Variants in RAB43 observed in about 807,000 individuals in gnomAD.
RAB43 encodes ras-related protein Rab-43.
In RAB43, 6 loss-of-function variants were observed where a neutral mutation model predicts 18.8. The ratio of observed to expected loss-of-function variants is 0.32; its 90% CI spans 0.17 to 0.63. The LOEUF (loss-of-function observed/expected upper bound fraction) is 0.63. RAB43 is among the 30% of genes least tolerant of loss of function. RAB43 has a pLI of 0.79. For missense variants in RAB43, 195 were observed against 289.1 expected, an observed-to-expected ratio of 0.67 and a Z score of 2.36; for synonymous variants, 103 against 124.1, an observed-to-expected ratio of 0.83 and a Z score of 1.13.
At chr3:129,117,997 G>C (rs751460322) in intron 1 of RAB43, among the ~76,000 whole-genome samples, 1 of 152,254 alleles carries the variant, frequency 6.6e-6, no homozygotes, top group Non-Finnish European at 1.5e-5. Flanking sequence ...TAAGTGTTAT[G>C]ACCAGATACA....
At chr3:129,118,713 TACC>T (rs2107585673) in intron 1 of RAB43, among the ~76,000 whole-genome samples, 1 of 152,320 alleles carries the variant, frequency 6.6e-6, no homozygotes, top group African/African-American at 2.4e-5. Flanking sequence ...TCTAAATAGA[TACC>T]ACGTCTCACT....
intron 1 of RAB43, among the ~76,000 whole-genome samples, chr3:129,109,144 C>T (rs1390418016): frequency 6.6e-6 from 1 of 151,924 alleles, no homozygotes; most frequent in African/African-American, 2.4e-5. Context: ...GGTGCGGTGG[C>T]TCACACCTGT....
In RAB43 at chr3:129,099,030, G is replaced by A. The variant is rs1041148203; in HGVS notation, c.205-3861C>T. Among the ~76,000 whole-genome samples the A allele has an allele frequency of 5.3e-5, 8 of 151,990 alleles. No homozygotes were observed. The East Asian group carries it at 9.7e-4, about 18-fold the overall frequency. ...AGAGGTTGCAGTGAGCCCAGATCAC[G>A]CTACTGCACTCCAGCCTGGACAACA... is the stretch of plus-strand genomic sequence containing the variant. On this transcript the variant is annotated intron_variant, in intron 1 of 2. Coordinates refer to ENST00000315150, the MANE Select transcript of RAB43 (RefSeq NM_198490.3).
At chr3:129,108,338 T>C (rs1263778481) in intron 1 of RAB43, among the ~76,000 whole-genome samples, 1 of 152,232 alleles carries the variant, frequency 6.6e-6, no homozygotes, top group Non-Finnish European at 1.5e-5. Context: ...GTTGCCACAA[T>C]GTGTGGAGGT....
chr3:129,098,216 A>G lies in RAB43; in HGVS notation c.205-3047T>C, dbSNP rs138735192. On this transcript the variant is annotated intron_variant, in intron 1 of 2. Coordinates refer to ENST00000315150, the MANE Select transcript of RAB43 (RefSeq NM_198490.3). The stretch of plus-strand genomic sequence containing the variant: ...GTATATGAGCTATCAGAACGTCACT[A>G]TGGGTGAGGACCATGCCTAAAGAAT... Among the ~76,000 whole-genome samples, 881 of 152,298 alleles carry G rather than the reference A, an allele frequency of 5.8e-3. 3 individuals carry two copies. Among genetic ancestry groups the G allele is most frequent in the African/African-American group, 0.015 (618 of 41,562 alleles).
intron 1 of RAB43, among the ~76,000 whole-genome samples, chr3:129,114,658 A>G (rs1935406521): frequency 6.6e-6 from 1 of 152,204 alleles, no homozygotes; most frequent in East Asian, 1.9e-4. Context: ...CGAGCACTAC[A>G]CAAAGGCCAG....
At chr3:129,115,226 G>A (rs778331986) in intron 1 of RAB43, among the ~76,000 whole-genome samples, 11 of 151,436 alleles carry the variant, frequency 7.3e-5, no homozygotes, top group Admixed American at 4.6e-4. Flanking sequence ...GGTGGCTCAT[G>A]CCTGTAATTC....
At position 129,121,321 on chromosome 3, in the gene RAB43, T is replaced by C. The variant is rs780664694; in HGVS notation, c.169A>G (p.Met57Val). 3.7e-6 allele frequency: 6 copies of C among 1,609,630 alleles called. No homozygotes were observed. The highest frequency in any genetic ancestry group is 3.3e-5 in the South Asian group (3 of 90,162). The change falls in exon 1 of 3, where the codon ATG becomes GTG. Residue 57 changes from methionine to valine, a missense_variant. By Grantham distance (21) the Met-to-Val change is conservative. Coordinates refer to ENST00000315150, the MANE Select transcript of RAB43 (RefSeq NM_198490.3). The stretch of plus-strand genomic sequence containing the variant: ...TTGCCCTGGATCTCCAGCGTCTTCA[T>C]GGTGAAGTCGACGCCGATGGTGCTT... ...QGSTIGVDFTMKTLEIQGKRV... is the reference protein window; with the variant it reads ...QGSTIGVDFTVKTLEIQGKRV...
At chr3:129,112,262 T>TAA (rs372301070) in intron 1 of RAB43, among the ~76,000 whole-genome samples, 3 of 137,904 alleles carry the variant, frequency 2.2e-5, no homozygotes, top group Non-Finnish European at 3.2e-5. Context: ...AGACCCTGTT[T>TAA]AAAAAAAAAA....
In RAB43 at chr3:129,092,567, C is replaced by T. The variant is rs1042282501; in HGVS notation, c.389-1221G>A. The stretch of plus-strand genomic sequence containing the variant: ...CTTGAGGCCAGGAGTTCAAGATCAG[C>T]CTGGGCAACATAGCAGGACTGCATC... On this transcript the variant is annotated intron_variant, in intron 2 of 2. Transcript: ENST00000315150. 4 of 691,728 alleles carry T rather than the reference C, an allele frequency of 5.8e-6. No individual in the cohort carries two copies. The African/African-American group carries it at 7.1e-5, about 12-fold the overall frequency. The allele number at this position is 691,728 out of a possible 1,614,324, so 42.8% of individuals were successfully genotyped here. A position where few individuals can be genotyped will look rare whatever the true frequency, so the allele number is the denominator to read the frequency against.
intron 2 of RAB43, among the ~76,000 whole-genome samples, chr3:129,093,270 T>G (rs1049018102): frequency 1.3e-5 from 2 of 152,018 alleles, no homozygotes; most frequent in African/African-American, 4.8e-5. Flanking sequence ...ATTACAGGTG[T>G]GAGCCACCAT....
chr3:129,115,589 G>GTGGGTGGATCACTTGAGGTC (rs1453068862), intron 1 of RAB43, among the ~76,000 whole-genome samples: 2 of 152,136 alleles, frequency 1.3e-5, no homozygotes, highest in Admixed American at 6.5e-5. Flanking sequence ...GGAGACCCAG[G>GTGGGTGGATCACTTGAGGTC]TGGGTGGATC....
At chr3:129,118,719 G>A (rs191296622) in intron 1 of RAB43, among the ~76,000 whole-genome samples, 45 of 152,250 alleles carry the variant, frequency 3.0e-4, no homozygotes, top group African/African-American at 7.5e-4. Context: ...TAGATACCAC[G>A]TCTCACTATG....
At position 129,094,718 on chromosome 3, in the gene RAB43, T is replaced by C. The variant is rs564421434; in HGVS notation, c.388+268A>G. Among the ~76,000 whole-genome samples, 4 of 151,694 alleles carry C rather than the reference T, an allele frequency of 2.6e-5. No individual in the cohort carries two copies. The East Asian group carries it at 7.8e-4, about 30-fold the overall frequency. On this transcript the variant is annotated intron_variant, in intron 2 of 2. Coordinates refer to ENST00000315150, the MANE Select transcript of RAB43 (RefSeq NM_198490.3). ...TTTTTTAGTAGAGACGAGGTTTCAC[T>C]GTGTTAGCCAGGATGATCTCGATCT... is the stretch of plus-strand genomic sequence containing the variant.
intron 2 of RAB43, among the ~76,000 whole-genome samples, chr3:129,091,665 A>T (rs1488753012): frequency 1.3e-5 from 2 of 152,060 alleles, no homozygotes; most frequent in Non-Finnish European, 2.9e-5. Context: ...ACTTCATTAC[A>T]TTCCAAACAA....
At chr3:129,115,449 A>G (rs570450277) in intron 1 of RAB43, among the ~76,000 whole-genome samples, 23 of 152,166 alleles carry the variant, frequency 1.5e-4, no homozygotes, top group African/African-American at 5.3e-4. Flanking sequence ...GGTTGCAGTG[A>G]GCAGAGGTCA....
intron 2 of RAB43, among the ~76,000 whole-genome samples, chr3:129,094,559 G>GGT (rs1933904092): frequency 9.0e-6 from 1 of 110,832 alleles, no homozygotes; most frequent in Non-Finnish European, 1.7e-5. Flanking sequence ...CTGTCACCCA[G>GGT]GTTGGAGTGC....
chr3:129,114,703 G>C (rs530797071), intron 1 of RAB43, among the ~76,000 whole-genome samples: 1 of 152,138 alleles, frequency 6.6e-6, no homozygotes, highest in Non-Finnish European at 1.5e-5. Flanking sequence ...GCTAAACAAC[G>C]AACAAGAGGA....
At chr3:129,105,748 C>T (rs1423601211) in intron 1 of RAB43, among the ~76,000 whole-genome samples, 2 of 149,970 alleles carry the variant, frequency 1.3e-5, no homozygotes, top group South Asian at 4.2e-4. Context: ...CCATTGCACT[C>T]TAGCCTGGGC....
Sources: gnomAD v4.1 joint callset for allele counts (sites outside exome capture counted in the v4.1 genomes callset) on GRCh38, gnomAD v4.1.1 for gene constraint, MANE v1.5 for transcripts, NCBI Gene and HGNC (gene_info 2026-07-23, HGNC 2026-07-21) for gene names.